Variants in ATXN1 observed in about 807,000 individuals in gnomAD.
The protein encoded by ATXN1 is ataxin 1, also known as ataxin-1.
In ATXN1, 8 loss-of-function variants were observed where a neutral mutation model predicts 56.4. The observed-to-expected ratio is 0.14, with a 90% CI of 0.08 to 0.26. The LOEUF (loss-of-function observed/expected upper bound fraction) is 0.26, where lower values mean the gene tolerates loss of function less well. ATXN1 is among the 10% of genes least tolerant of loss of function. The pLI is 1.00. For missense variants in ATXN1, 987 were observed against 1,106.5 expected (o/e 0.89, Z 1.53); for synonymous variants, 514 against 494.6 (o/e 1.04, Z -0.52).
intron 2 of ATXN1, among the ~76,000 whole-genome samples, chr6:16,728,537 C>T (rs1196308679): frequency 6.6e-6 from 1 of 152,170 alleles, no homozygotes; most frequent in Non-Finnish European, 1.5e-5. Context: ...CCACTACACG[C>T]CATCACCCAT....
Position 16,306,404 on chromosome 6 carries a change from C to A in ATXN1, c.2373G>T (p.Leu791Phe). 6.2e-7 allele frequency: 1 copy of A among 1,614,110 alleles called. No individual in the cohort carries two copies. The highest frequency in any genetic ancestry group is 1.1e-5 in the South Asian group (1 of 91,046). ...GAATTAGAGAAGGCTTAGGAAGAGT[C>A]AAAGGTGGTTCGTCTTCTGACTTCT... ...KLEKSEDEPPLTLPKPSLIPQ... is the reference protein window; with the variant it reads ...KLEKSEDEPPFTLPKPSLIPQ... Residue 791 changes from leucine to phenylalanine, a missense_variant, in exon 8 of 8, where the codon TTG (leucine) becomes TTT (phenylalanine). Physicochemically the swap from Leu to Phe is conservative, Grantham distance 22. This residue lies in a region of ATXN1 where 196 missense variants were observed against 196.7 expected (regional missense o/e 1.00). Transcript: ENST00000436367. This position sits in a 1 kb window ranked among gnomAD's most constrained non-coding sequence, Gnocchi z 5.2.
At chr6:16,442,783 G>A (rs755478704) in intron 6 of ATXN1, among the ~76,000 whole-genome samples, 24 of 152,040 alleles carry the variant, frequency 1.6e-4, no homozygotes, top group Non-Finnish European at 3.1e-4. Context: ...AGGCCAAGGC[G>A]GGTGGATCAC....
At chr6:16,632,203 C>T (rs1400272674) in intron 3 of ATXN1, among the ~76,000 whole-genome samples, 1 of 152,172 alleles carries the variant, frequency 6.6e-6, no homozygotes, top group Non-Finnish European at 1.5e-5. Context: ...CCCTCAGCCA[C>T]TGGCACCATG....
intron 6 of ATXN1, among the ~76,000 whole-genome samples, chr6:16,415,316 G>A (rs1267867701): frequency 6.6e-6 from 1 of 152,020 alleles, no homozygotes; most frequent in Non-Finnish European, 1.5e-5. Context: ...TGCAACCTCT[G>A]CCTCCTGGGT....
At chr6:16,609,505 G>C (rs1763067654) in intron 3 of ATXN1, among the ~76,000 whole-genome samples, 1 of 152,226 alleles carries the variant, frequency 6.6e-6, no homozygotes, top group African/African-American at 2.4e-5. Context: ...AACCCCAATA[G>C]AGATTGCCCT....
intron 2 of ATXN1, among the ~76,000 whole-genome samples, chr6:16,666,193 C>T (rs1007414032): frequency 1.3e-5 from 2 of 152,108 alleles, no homozygotes; most frequent in Admixed American, 6.6e-5. Flanking sequence ...GTCTCCATGA[C>T]GTCATGTTTC....
chr6:16,495,164 G>A (rs745814195), intron 5 of ATXN1, among the ~76,000 whole-genome samples: 3 of 152,194 alleles, frequency 2.0e-5, no homozygotes, highest in Non-Finnish European at 4.4e-5. Flanking sequence ...AATGTGTGCA[G>A]TCCAGTCCTC....
At chr6:16,365,604 C>T (rs1327585249) in intron 6 of ATXN1, among the ~76,000 whole-genome samples, 1 of 152,206 alleles carries the variant, frequency 6.6e-6, no homozygotes, top group Non-Finnish European at 1.5e-5. Flanking sequence ...AATGACATAA[C>T]CAAATAGAAA....
At chr6:16,661,956 T>A (rs1173910189) in intron 2 of ATXN1, among the ~76,000 whole-genome samples, 3 of 152,174 alleles carry the variant, frequency 2.0e-5, no homozygotes, top group Non-Finnish European at 1.5e-5. Context: ...TTAGAAAAAC[T>A]GAGAGATAAT....
intron 6 of ATXN1, among the ~76,000 whole-genome samples, chr6:16,481,238 T>C (rs1350541443): frequency 6.6e-6 from 1 of 152,186 alleles, no homozygotes; most frequent in Non-Finnish European, 1.5e-5. Context: ...CCAAAAGTGG[T>C]GGAATCTCCC....
At chr6:16,644,375 C>T (rs915541198) in intron 3 of ATXN1, among the ~76,000 whole-genome samples, 2 of 151,904 alleles carry the variant, frequency 1.3e-5, no homozygotes, top group Admixed American at 6.6e-5. Context: ...ATTCCCTGGG[C>T]GTGGCGGCAT....
In ATXN1 at chr6:16,303,985, C is replaced by T. The variant is rs1248340623; in HGVS notation, c.*2344G>A. 7 of 152,522 alleles carry T rather than the reference C, an allele frequency of 4.6e-5. No individual in the cohort carries two copies. The highest frequency in any genetic ancestry group is 4.6e-4 in the Admixed American group (7 of 15,278). The allele number at this position is 152,522 out of a possible 1,614,324, so 9.4% of individuals were successfully genotyped here. ...GTATGACTGCAAGAATGAGCCCACCCAGCTCTCTGCAAGCATGCTGAGAGG... is the reference window on the plus strand; with the variant it reads ...GTATGACTGCAAGAATGAGCCCACCTAGCTCTCTGCAAGCATGCTGAGAGG... On this transcript the variant is annotated 3_prime_UTR_variant, in exon 8 of 8. Coordinates refer to ENST00000436367, the MANE Select transcript of ATXN1 (RefSeq NM_001128164.2). This position sits in a 1 kb window ranked among gnomAD's most constrained non-coding sequence, Gnocchi z 4.3.
intron 4 of ATXN1, among the ~76,000 whole-genome samples, chr6:16,548,929 A>G (rs1761865493): frequency 6.6e-6 from 1 of 152,188 alleles, no homozygotes; most frequent in East Asian, 1.9e-4. Context: ...TCAATAAATA[A>G]ATAAATACAT....
At chr6:16,503,021 A>G (rs1240895472) in intron 5 of ATXN1, among the ~76,000 whole-genome samples, 1 of 150,092 alleles carries the variant, frequency 6.7e-6, no homozygotes, top group Admixed American at 6.6e-5. Flanking sequence ...GTCACCAACT[A>G]TAATAATTTT....
chr6:16,531,313 A>C (rs968329574), intron 4 of ATXN1, among the ~76,000 whole-genome samples: 23 of 152,310 alleles, frequency 1.5e-4, no homozygotes, highest in African/African-American at 5.5e-4. Context: ...CAGAATTCAG[A>C]TTCTGTGACT....
intron 2 of ATXN1, among the ~76,000 whole-genome samples, chr6:16,715,609 A>G (rs1235686580): frequency 6.6e-5 from 10 of 152,230 alleles, no homozygotes; most frequent in Non-Finnish European, 4.4e-5. Context: ...AATATCAGCC[A>G]GCTACATATA....
rs531202895 is a variant in ATXN1, at chr6:16,559,969, G to A, written c.-361+25811C>T. Among the ~76,000 whole-genome samples the A allele has an allele frequency of 1.1e-4, 17 of 152,012 alleles. No individual in the cohort carries two copies. The South Asian group carries it at 3.3e-3, about 30-fold the overall frequency. ...AGCTTCCTGTACACATGTCTGCACC[G>A]CCTCCCCACCCCACCATCACAGGAG... is the stretch of plus-strand genomic sequence containing the variant. On this transcript the variant is annotated intron_variant, in intron 4 of 7. Transcript: ENST00000436367.
intron 5 of ATXN1, among the ~76,000 whole-genome samples, chr6:16,502,521 AACAG>A (rs1760904739): frequency 6.6e-6 from 1 of 152,210 alleles, no homozygotes; most frequent in Non-Finnish European, 1.5e-5. Context: ...CAAATTGAAA[AACAG>A]TAGGATTCTG....
At chr6:16,416,913 A>C (rs1049613647) in intron 6 of ATXN1, among the ~76,000 whole-genome samples, 1 of 152,198 alleles carries the variant, frequency 6.6e-6, no homozygotes, top group Non-Finnish European at 1.5e-5. Flanking sequence ...TAGGCTTTTA[A>C]TAAGTATTTA....
Sources: allele counts gnomAD v4.1 joint callset (sites outside exome capture counted in the v4.1 genomes callset), GRCh38; gene constraint gnomAD v4.1.1; regional missense constraint gnomAD v4.1.1; non-coding constraint Gnocchi (gnomAD v3.1); transcripts MANE v1.5; gene names NCBI Gene and HGNC (gene_info 2026-07-23, HGNC 2026-07-21).